Variants in PALLD observed in about 807,000 individuals in gnomAD.
PALLD encodes the protein palladin, cytoskeletal associated protein.
Under a neutral mutation model 123.5 loss-of-function variants are expected in PALLD, and 61 were observed. The observed-to-expected ratio is 0.49, with a 90% CI of 0.40 to 0.61. The LOEUF is 0.61. Ranked by LOEUF, PALLD falls within the 20% of genes least tolerant of loss-of-function variation. The pLI is 0.00. For missense variants in PALLD, 1,273 were observed against 1,377.0 expected, an observed-to-expected ratio of 0.92 and a Z score of 1.20; for synonymous variants, 465 against 496.4, an observed-to-expected ratio of 0.94 and a Z score of 0.84.
At chr4:168,833,037 G>A (rs1266742661) in intron 10 of PALLD, 1 of 152,232 alleles carries the variant, frequency 6.6e-6, no homozygotes, top group East Asian at 1.9e-4. Context: ...GCCTGGGTGA[G>A]CTCCCAAAGC....
chr4:168,598,449 C>T, intron 2 of PALLD: 2 of 618,938 alleles, frequency 3.2e-6, no homozygotes, highest in East Asian at 3.8e-5. Context: ...TTGGCTTCTG[C>T]ATGACTGGTA....
intron 2 of PALLD, chr4:168,536,662 C>T (rs6831095): frequency 0.42 from 63,207 of 151,802 alleles, 14,276 homozygotes; most frequent in African/African-American, 0.6. Context: ...TCAGATCTCG[C>T]GAGAACTCAC....
At chr4:168,509,722 A>C (rs997562967) in intron 1 of PALLD, among the ~76,000 whole-genome samples, 3 of 152,212 alleles carry the variant, frequency 2.0e-5, no homozygotes, top group Admixed American at 6.5e-5. Flanking sequence ...GAATCTAATA[A>C]TTCAGGCACA....
At chr4:168,501,473 A>T (rs915068575) in intron 1 of PALLD, among the ~76,000 whole-genome samples, 1 of 152,192 alleles carries the variant, frequency 6.6e-6, no homozygotes, top group Admixed American at 6.5e-5. Flanking sequence ...CACCGTGGAC[A>T]TTTACCTTTG....
At chr4:168,775,896 G>C (rs1360887189) in intron 10 of PALLD, among the ~76,000 whole-genome samples, 2 of 152,116 alleles carry the variant, frequency 1.3e-5, no homozygotes, top group Non-Finnish European at 2.9e-5. Flanking sequence ...TAGTCTGTTT[G>C]TCTTTATGCC....
chr4:168,582,987 A>G (rs1668017367), intron 2 of PALLD, among the ~76,000 whole-genome samples: 1 of 152,198 alleles, frequency 6.6e-6, no homozygotes, highest in Non-Finnish European at 1.5e-5. Flanking sequence ...CAAAGAAATT[A>G]TTAGAGTTGA....
Position 168,816,501 on chromosome 4 carries a change from A to G in PALLD, c.1965-74421A>G, listed in dbSNP as rs150821730. Among the ~76,000 whole-genome samples, 8 of 151,494 alleles carry G rather than the reference A, an allele frequency of 5.3e-5. No homozygotes were observed. The East Asian group carries it at 5.8e-4, about 11-fold the overall frequency. ...TAACCAGATAGTGAACTCTGCCTCT[A>G]TCAGCCAAATCTAACTGCCAAAACA... On this transcript the variant is annotated intron_variant, in intron 10 of 21. Coordinates refer to ENST00000505667, the MANE Select transcript of PALLD (RefSeq NM_001166108.2).
In PALLD at chr4:168,709,040, C is replaced by T. The variant is rs751116198; in HGVS notation, c.1514C>T (p.Thr505Ile). ...TCTTCACTTCCAGAGGAGATTTGCA[C>T]CCTAGTTATCGCTGAGACTTTCCCT... ...RSTAEPEEIC[T>I]LVIAETFPED... The change falls in exon 9 of 22, where the codon ACC becomes ATC. Residue 505 changes from threonine (T) to isoleucine (I), a missense_variant. Around this residue, in one of 2 missense-constraint regions of PALLD, gnomAD observed 944 missense variants for 954.5 expected, o/e 0.99. Transcript: ENST00000505667. 1 of 1,613,280 alleles carries T rather than the reference C, an allele frequency of 6.2e-7. No individual in the cohort carries two copies. The highest frequency in any genetic ancestry group is 2.2e-5 in the East Asian group (1 of 44,862).
At chr4:168,916,529 A>G (rs1012369899) in intron 17 of PALLD, among the ~76,000 whole-genome samples, 14 of 152,180 alleles carry the variant, frequency 9.2e-5, no homozygotes, top group African/African-American at 2.9e-4. Flanking sequence ...AGAACCCTAC[A>G]TGACATTACT....
intron 10 of PALLD, among the ~76,000 whole-genome samples, chr4:168,812,757 A>G (rs1286048299): frequency 6.6e-6 from 1 of 152,190 alleles, no homozygotes; most frequent in Non-Finnish European, 1.5e-5. Flanking sequence ...GCAGCCTTCA[A>G]TTGTACTCAT....
In PALLD at chr4:168,624,714, A is replaced by G. The variant is rs534836505; in HGVS notation, c.909-43476A>G. Among the ~76,000 whole-genome samples the G allele has an allele frequency of 2.0e-4, 30 of 152,324 alleles. No individual in the cohort carries two copies. The South Asian group carries it at 3.1e-3, about 16-fold the overall frequency. On this transcript the variant is annotated intron_variant, in intron 2 of 21. Coordinates refer to ENST00000505667, the MANE Select transcript of PALLD (RefSeq NM_001166108.2). ...CAAGAGAATTGGGAAATATTTATAA[A>G]CAATATGAGTAAGATAGAATGGCAC...
At chr4:168,630,639 C>G (rs889952228) in intron 2 of PALLD, among the ~76,000 whole-genome samples, 34 of 152,190 alleles carry the variant, frequency 2.2e-4, no homozygotes, top group African/African-American at 8.0e-4. Context: ...AAAAATCTGT[C>G]ACATCTTTGA....
At chr4:168,744,906 G>A (rs1158129322) in intron 10 of PALLD, among the ~76,000 whole-genome samples, 2 of 152,156 alleles carry the variant, frequency 1.3e-5, no homozygotes, top group East Asian at 1.9e-4. Context: ...GAGCTATGAT[G>A]TTCGGTAGGT....
intron 10 of PALLD, among the ~76,000 whole-genome samples, chr4:168,799,020 G>A (rs1196231115): frequency 6.6e-6 from 1 of 152,202 alleles, no homozygotes; most frequent in Non-Finnish European, 1.5e-5. Flanking sequence ...CTCCGGGGGT[G>A]CCTTGTGGTC....
intron 4 of PALLD, 70 bp downstream of exon 4, chr4:168,681,468 C>G: frequency 1.0e-6 from 1 of 998,450 alleles, no homozygotes; most frequent in East Asian, 2.4e-5. Context: ...GGTATGAAAC[C>G]ATGTTTGCTG....
intron 10 of PALLD, among the ~76,000 whole-genome samples, chr4:168,791,396 C>G (rs1285655525): frequency 6.6e-6 from 1 of 152,194 alleles, no homozygotes; most frequent in Non-Finnish European, 1.5e-5. Flanking sequence ...GTTTAATTGA[C>G]TCAGTACTGC....
chr4:168,755,103 G>T (rs1731621480), intron 10 of PALLD, among the ~76,000 whole-genome samples: 2 of 152,072 alleles, frequency 1.3e-5, no homozygotes, highest in East Asian at 3.9e-4. Context: ...CGTGGTGGCG[G>T]GCGCCTGTAG....
At chr4:168,755,349 T>C (rs1731691935) in intron 10 of PALLD, among the ~76,000 whole-genome samples, 1 of 151,784 alleles carries the variant, frequency 6.6e-6, no homozygotes, top group Admixed American at 6.6e-5. Context: ...TTGAATTATA[T>C]AGAAAGAGCA....
At chr4:168,633,339 A>G (rs1042728397) in intron 2 of PALLD, among the ~76,000 whole-genome samples, 1 of 152,210 alleles carries the variant, frequency 6.6e-6, no homozygotes. Flanking sequence ...TGTTATGAGC[A>G]TGCATTTGAG....
Sources: gnomAD v4.1 joint callset for allele counts (sites outside exome capture counted in the v4.1 genomes callset) on GRCh38, gnomAD v4.1.1 for gene constraint, gnomAD v4.1.1 regional missense constraint, MANE v1.5 for transcripts, NCBI Gene and HGNC (gene_info 2026-07-23, HGNC 2026-07-21) for gene names.